Variants in CADM3 observed in about 807,000 individuals in gnomAD.
The protein encoded by CADM3 is cell adhesion molecule 3.
A neutral mutation model predicts 44.9 loss-of-function variants in CADM3; 11 were observed. The observed-to-expected ratio is 0.25, with a 90% CI of 0.15 to 0.41. The LOEUF (loss-of-function observed/expected upper bound fraction) is 0.41. Among genes scored for constraint, CADM3 ranks in the 10% least tolerant of loss-of-function variants. The probability of loss-of-function intolerance (pLI) is 1.00; values close to 1 mark genes in which losing one functional copy is unlikely to be tolerated. For missense variants in CADM3, 426 were observed against 512.0 expected (o/e 0.83, Z 1.62); for synonymous variants, 207 against 205.2 (o/e 1.01, Z -0.08).
chr1:159,184,562 T>C (rs1272116650), intron 1 of CADM3, among the ~76,000 whole-genome samples: 1 of 152,176 alleles, frequency 6.6e-6, no homozygotes, highest in Non-Finnish European at 1.5e-5. Flanking sequence ...GAGAGCTCTG[T>C]CCTCCTGTTC....
intron 1 of CADM3, among the ~76,000 whole-genome samples, chr1:159,189,117 T>C (rs1649544510): frequency 6.6e-6 from 1 of 152,200 alleles, no homozygotes; most frequent in Non-Finnish European, 1.5e-5. Flanking sequence ...GATCTGTTTC[T>C]TCAATGGTGG....
intron 1 of CADM3, among the ~76,000 whole-genome samples, chr1:159,177,397 C>T (rs760748948): frequency 6.6e-6 from 1 of 152,150 alleles, no homozygotes; most frequent in African/African-American, 2.4e-5. Context: ...TGCCTTACCC[C>T]GTGATCCCAG....
rs1649935816 is a variant in CADM3, at chr1:159,197,079, T to C, written c.952+19T>C. 1.2e-6 allele frequency: 2 copies of C among 1,609,780 alleles called. No homozygotes were observed. The highest frequency in any genetic ancestry group is 1.7e-6 in the Non-Finnish European group (2 of 1,176,540). On this transcript the variant is annotated intron_variant, in intron 7 of 8. Coordinates refer to ENST00000368125, the MANE Select transcript of CADM3 (RefSeq NM_001127173.3). ...GTTAATGGTAAGCCCTCCTCAGTTC[T>C]CTTCCTCCAGAATCTCCTTTCTCTG...
intron 5 of CADM3, chr1:159,194,438 C>A: frequency 6.3e-6 from 1 of 159,746 alleles, no homozygotes; most frequent in Non-Finnish European, 1.4e-5. Context: ...AAACTGTTGT[C>A]GTAACTGTGG....
intron 1 of CADM3, among the ~76,000 whole-genome samples, chr1:159,173,582 G>A (rs1648906177): frequency 6.6e-6 from 1 of 152,178 alleles, no homozygotes; most frequent in South Asian, 2.1e-4. Flanking sequence ...GCTGAAGGGA[G>A]TCCTTGGGGA....
chr1:159,193,273 T>G (rs1378310932), intron 3 of CADM3, 150 bp from the exon 4 acceptor site: 8 of 862,246 alleles, frequency 9.3e-6, no homozygotes, highest in Admixed American at 5.5e-5. Context: ...AGGGAGGAGA[T>G]CAAAAAGAAA....
chr1:159,182,852 T>C (rs780807085), intron 1 of CADM3, among the ~76,000 whole-genome samples: 14 of 152,198 alleles, frequency 9.2e-5, no homozygotes, highest in Non-Finnish European at 1.8e-4. Context: ...GGGGAAAACA[T>C]TTGAATTTTC....
At chr1:159,196,059 T>G (rs1328199623) in intron 5 of CADM3, 1 of 318,968 alleles carries the variant, frequency 3.1e-6, no homozygotes, top group African/African-American at 2.1e-5. Context: ...TCCTATGTGC[T>G]AGGAGGTTTG....
At chr1:159,181,491 A>G (rs1407763446) in intron 1 of CADM3, among the ~76,000 whole-genome samples, 1 of 151,888 alleles carries the variant, frequency 6.6e-6, no homozygotes, top group Non-Finnish European at 1.5e-5. Context: ...CCTGCACAGA[A>G]TCTGTGCTCT....
In CADM3 at chr1:159,196,992, G is replaced by A; in HGVS notation, c.884G>A (p.Gly295Asp). The A allele has an allele frequency of 6.2e-7, 1 of 1,614,062 alleles. No individual in the cohort carries two copies. The highest frequency in any genetic ancestry group is 8.5e-7 in the Non-Finnish European group (1 of 1,180,004). ...CCTTTCCTCAACAAGAGTGACAGTGGCACCTACGGCTGCACAGCCACCAGC... is the reference window on the plus strand; with the variant it reads ...CCTTTCCTCAACAAGAGTGACAGTGACACCTACGGCTGCACAGCCACCAGC... Reference protein sequence around the residue: ...IFPFLNKSDSGTYGCTATSNM... With the variant: ...IFPFLNKSDSDTYGCTATSNM... Residue 295 changes from glycine (G) to aspartate (D), a missense_variant, in exon 7 of 9, where the codon GGC (glycine) becomes GAC (aspartate). Physicochemically the swap from Gly to Asp is moderately conservative, Grantham distance 94 (BLOSUM62 -1). Coordinates refer to ENST00000368125, the MANE Select transcript of CADM3 (RefSeq NM_001127173.3).
chr1:159,176,024 A>G (rs910769641), intron 1 of CADM3, among the ~76,000 whole-genome samples: 1 of 152,206 alleles, frequency 6.6e-6, no homozygotes, highest in Non-Finnish European at 1.5e-5. Flanking sequence ...ATCACCAGAG[A>G]AAGAAAACCC....
At position 159,196,291 on chromosome 1, in the gene CADM3, G is replaced by C; in HGVS notation, c.692-73G>C. On this transcript the variant is annotated intron_variant, in intron 5 of 8. Transcript: ENST00000368125. ...GAAACATTTAGAGGTAGAAGCTGTA[G>C]TGTGCAACTAAGTGAGGGAATCTCC... 3 of 1,147,468 alleles carry C rather than the reference G, an allele frequency of 2.6e-6. No individual in the cohort carries two copies. In the Middle Eastern group the frequency reaches 5.8e-4, roughly 223 times the overall value. The allele number at this position is 1,147,468 out of a possible 1,614,324, so 71.1% of individuals were successfully genotyped here.
chr1:159,192,970 A>G (rs1459155052), intron 3 of CADM3, among the ~76,000 whole-genome samples: 1 of 152,188 alleles, frequency 6.6e-6, no homozygotes, highest in Admixed American at 6.5e-5. Flanking sequence ...ATTTTCTCTT[A>G]TAACAGAGAG....
intron 1 of CADM3, 56 bp downstream of exon 1, chr1:159,171,909 C>T: frequency 8.7e-7 from 1 of 1,147,734 alleles, no homozygotes; most frequent in Non-Finnish European, 1.1e-6. Context: ...GAGGCGGGGG[C>T]TGGGATCGGG....
chr1:159,175,717 C>A (rs1648989869), intron 1 of CADM3, among the ~76,000 whole-genome samples: 1 of 152,232 alleles, frequency 6.6e-6, no homozygotes, highest in African/African-American at 2.4e-5. Flanking sequence ...TCTCTTTCCT[C>A]TTCCAACTGA....
At chr1:159,175,849 G>A (rs933643239) in intron 1 of CADM3, among the ~76,000 whole-genome samples, 11 of 152,206 alleles carry the variant, frequency 7.2e-5, no homozygotes, top group African/African-American at 1.4e-4. Context: ...TCGCTTTGGC[G>A]TTCTGGTTAC....
intron 1 of CADM3, among the ~76,000 whole-genome samples, chr1:159,177,059 T>C (rs3026965): frequency 1.3e-5 from 2 of 152,178 alleles, no homozygotes; most frequent in Non-Finnish European, 2.9e-5. Flanking sequence ...TTTGACTTTC[T>C]TGCATCCTAC....
intron 1 of CADM3, among the ~76,000 whole-genome samples, chr1:159,183,368 T>C (rs1404068475): frequency 1.3e-5 from 2 of 151,474 alleles, no homozygotes; most frequent in East Asian, 1.9e-4. Flanking sequence ...TGGGACAGAG[T>C]AGTTTATCAA....
intron 1 of CADM3, among the ~76,000 whole-genome samples, chr1:159,185,980 T>G (rs1439524681): frequency 2.0e-5 from 3 of 152,138 alleles, no homozygotes; most frequent in Admixed American, 6.5e-5. Flanking sequence ...AGATAAAGTG[T>G]GTAACTCAGA....
Sources: gnomAD v4.1 joint callset for allele counts (sites outside exome capture counted in the v4.1 genomes callset) on GRCh38, gnomAD v4.1.1 for gene constraint, MANE v1.5 for transcripts, NCBI Gene and HGNC (gene_info 2026-07-23, HGNC 2026-07-21) for gene names.